The following SSX7 variants were observed in gnomAD, a reference collection of about 807,000 sequenced individuals.
SSX7 encodes protein SSX7.
In SSX7, 15 loss-of-function variants were observed where a neutral mutation model predicts 14.7. The observed-to-expected ratio is 1.02, with a 90% CI of 0.68 to 1.58. The LOEUF (loss-of-function observed/expected upper bound fraction) is 1.58. Among genes scored for constraint, SSX7 ranks in the 40% most tolerant of loss-of-function variants. The pLI is 0.00. For synonymous variants in SSX7, 46 were observed against 50.6 expected, an observed-to-expected ratio of 0.91 and a Z score of 0.38; for missense variants, 178 against 146.8, an observed-to-expected ratio of 1.21 and a Z score of -1.10.
chrX:52,649,308 C>T (rs1157603409), intron 5 of SSX7, among the ~76,000 whole-genome samples: 1 of 111,691 alleles, frequency 9.0e-6, no homozygotes, highest in East Asian at 2.8e-4. Flanking sequence ...GGATTACAGT[C>T]GCTAGCCACC....
intron 4 of SSX7, among the ~76,000 whole-genome samples, chrX:52,651,368 G>A (rs1925420210): frequency 8.9e-6 from 1 of 112,091 alleles, no homozygotes; most frequent in African/African-American, 3.2e-5. Flanking sequence ...CGAATCTACA[G>A]TTGTAACATT....
At chrX:52,653,890 G>C (rs1925518002) in intron 1 of SSX7, among the ~76,000 whole-genome samples, 1 of 111,209 alleles carries the variant, frequency 9.0e-6, no homozygotes, top group Non-Finnish European at 1.9e-5. Flanking sequence ...ATAATGGAAG[G>C]GAAATGAGTC....
At chrX:52,652,779 G>A (rs1356187865) in intron 3 of SSX7, 91 bp downstream of exon 3, 12 of 859,663 alleles carry the variant, frequency 1.4e-5, no homozygotes, top group Admixed American at 2.7e-5. Context: ...GGAAAATGTG[G>A]GGTACTTTCT....
intron 6 of SSX7, among the ~76,000 whole-genome samples, chrX:52,645,847 C>G (rs192007955): frequency 6.5e-4 from 72 of 110,449 alleles, no homozygotes; most frequent in South Asian, 2.3e-3. Flanking sequence ...TTGAGGGCAC[C>G]GAGGCATACT....
At chrX:52,650,542 A>C (rs1252751310) in intron 4 of SSX7, 140 bp from the exon 5 acceptor site, 1 of 719,808 alleles carries the variant, frequency 1.4e-6, no homozygotes, top group East Asian at 3.4e-5. Flanking sequence ...TTGCTTCTGA[A>C]TTATGTTTAG....
chrX:52,653,996 A>G (rs1925520906), intron 1 of SSX7, among the ~76,000 whole-genome samples: 2 of 111,183 alleles, frequency 1.8e-5, no homozygotes, highest in South Asian at 3.8e-4. Flanking sequence ...GCTAATATGA[A>G]CGGATTTAGA....
chrX:52,649,816 A>G lies in SSX7; in HGVS notation c.330+537T>C, dbSNP rs1327133744. On this transcript the variant is annotated intron_variant, in intron 5 of 7. Transcript: ENST00000298181. ...AGCAACATCTGAACTTCATAAACAA[A>G]TGCAAACGTGAATGAGCTTTAAATG... is the stretch of plus-strand genomic sequence containing the variant. Among the ~76,000 whole-genome samples, 3 of 112,828 alleles carry G rather than the reference A, an allele frequency of 2.7e-5. No homozygotes were observed. In the East Asian group the frequency reaches 8.3e-4, roughly 31 times the overall value.
intron 6 of SSX7, among the ~76,000 whole-genome samples, chrX:52,647,881 C>A (rs781885568): frequency 8.9e-6 from 1 of 111,869 alleles, no homozygotes; most frequent in South Asian, 3.7e-4. Context: ...GGGTATCAGG[C>A]ATTGAGCTGA....
intron 7 of SSX7, 114 bp downstream of exon 7, chrX:52,645,325 T>A: frequency 8.6e-7 from 1 of 1,168,760 alleles, no homozygotes; most frequent in Non-Finnish European, 1.2e-6. Context: ...TGCTGTACCC[T>A]AGAAAATTAT....
intron 7 of SSX7, among the ~76,000 whole-genome samples, chrX:52,644,985 G>A (rs1164573350): frequency 9.0e-6 from 1 of 111,171 alleles, no homozygotes; most frequent in Non-Finnish European, 1.9e-5. Flanking sequence ...AAGAGCTTAC[G>A]AAGGCCAGGC....
chrX:52,651,336 G>A (rs1556766971), intron 4 of SSX7, among the ~76,000 whole-genome samples: 4 of 112,126 alleles, frequency 3.6e-5, no homozygotes, highest in East Asian at 5.6e-4. Context: ...CTGTTAATGA[G>A]ACAAACTCTG....
Position 52,651,195 on chromosome X carries a change from T to A in SSX7, c.281-793A>T, listed in dbSNP as rs781811648. On this transcript the variant is annotated intron_variant, in intron 4 of 7. Transcript: ENST00000298181. ...TCTTTCAAACTCTCTTCCAAGCTCA[T>A]CACGGAGAATCAGGGTTCTTTGGGA... is the stretch of plus-strand genomic sequence containing the variant. Among the ~76,000 whole-genome samples, 5 of 111,857 alleles carry A rather than the reference T, an allele frequency of 4.5e-5. No homozygotes were observed. The South Asian group carries it at 1.9e-3, about 42-fold the overall frequency.
At chrX:52,649,998 T>C (rs1556766813) in intron 5 of SSX7, among the ~76,000 whole-genome samples, 1 of 112,557 alleles carries the variant, frequency 8.9e-6, no homozygotes, top group Non-Finnish European at 1.9e-5. Context: ...TCAGAGAACT[T>C]AGAAGACTTG....
intron 2 of SSX7, 58 bp downstream of exon 2, chrX:52,653,346 C>T (rs782735076): frequency 2.5e-6 from 3 of 1,208,445 alleles, no homozygotes; most frequent in East Asian, 3.0e-5. Flanking sequence ...TCCTCAGAAA[C>T]TTGGCCACCC....
In SSX7 at chrX:52,654,373, T is replaced by TTG. The variant is rs1365803816; in HGVS notation, c.-21+388_-21+389insCA. 3.3e-5 allele frequency among the ~76,000 whole-genome samples: 3 copies of TTG among 91,495 alleles called. No homozygotes were observed. In the East Asian group the frequency reaches 1.0e-3, roughly 32 times the overall value. The allele number at this position is 91,495 out of a possible 115,157, so 79.5% of individuals were successfully genotyped here. On this transcript the variant is annotated intron_variant, in intron 1 of 7. Coordinates refer to ENST00000298181, the MANE Select transcript of SSX7 (RefSeq NM_173358.2). ...GGAAAGATTTGAGTGAGTTTTTTTT[T>TTG]TTTTTTTTTTTTGAGTCATGGTCTC...
At chrX:52,653,645 C>A (rs782453673) in intron 1 of SSX7, among the ~76,000 whole-genome samples, 153 bp from the exon 2 acceptor site, 1 of 110,065 alleles carries the variant, frequency 9.1e-6, no homozygotes, top group Non-Finnish European at 1.9e-5. Flanking sequence ...TGACATGGGG[C>A]GAAGTCAGAT....
At chrX:52,647,438 A>T (rs1189616136) in intron 6 of SSX7, among the ~76,000 whole-genome samples, 1 of 112,523 alleles carries the variant, frequency 8.9e-6, no homozygotes, top group Non-Finnish European at 1.9e-5. Context: ...ACTTTGAAAG[A>T]AGTTCTACTG....
rs1556766112 is a variant in SSX7, at chrX:52,644,631, G to A, written c.*44C>T. 5 of 1,194,093 alleles carry A rather than the reference G, an allele frequency of 4.2e-6. No individual in the cohort carries two copies. The highest frequency in any genetic ancestry group is 3.5e-5 in the South Asian group (2 of 56,526). On this transcript the variant is annotated 3_prime_UTR_variant, in exon 8 of 8. Coordinates refer to ENST00000298181, the MANE Select transcript of SSX7 (RefSeq NM_173358.2). ...GCCCATGTTCGTGAAAGGTCACCAC[G>A]TTCTGCTTCTCATCATGGGCATATG...
chrX:52,650,310 G>A (rs1556766849), intron 5 of SSX7, 43 bp downstream of exon 5: 1 of 1,195,196 alleles, frequency 8.4e-7, no homozygotes, highest in South Asian at 1.8e-5. Context: ...CATCCATGGA[G>A]GGACAAAGGT....
Sources: gnomAD v4.1 joint callset for allele counts (sites outside exome capture counted in the v4.1 genomes callset) on GRCh38, gnomAD v4.1.1 for gene constraint, MANE v1.5 for transcripts, NCBI Gene and HGNC (gene_info 2026-07-23, HGNC 2026-07-21) for gene names.